Variants in ARHGAP20 observed in about 807,000 individuals in gnomAD.
The protein encoded by ARHGAP20 is rho GTPase-activating protein 20.
ARHGAP20 carries 34 observed loss-of-function variants against 73.7 expected under a neutral mutation model. The ratio of observed to expected loss-of-function variants is 0.46; its 90% CI spans 0.35 to 0.61. The LOEUF (loss-of-function observed/expected upper bound fraction) is 0.61. Among genes scored for constraint, ARHGAP20 ranks in the 20% least tolerant of loss-of-function variants. ARHGAP20 has a pLI of 0.00. For synonymous variants in ARHGAP20, 523 were observed against 518.2 expected (o/e 1.01, Z -0.13); for missense variants, 1,314 against 1,420.9 (o/e 0.92, Z 1.21).
At chr11:110,711,535 A>G in intron 1 of ARHGAP20, 2 of 1,280,614 alleles carry the variant, frequency 1.6e-6, no homozygotes, top group South Asian at 1.8e-5. Context: ...GGAATCATCC[A>G]GGACCCTGGT....
chr11:110,599,613 T>C (rs1591306514), intron 9 of ARHGAP20, among the ~76,000 whole-genome samples: 1 of 152,166 alleles, frequency 6.6e-6, no homozygotes, highest in Non-Finnish European at 1.5e-5. Flanking sequence ...CTGCCAGTCC[T>C]GTGGACTGGA....
intron 1 of ARHGAP20, among the ~76,000 whole-genome samples, chr11:110,698,802 CTCTT>C (rs1950387462): frequency 1.3e-5 from 2 of 151,750 alleles, no homozygotes; most frequent in African/African-American, 4.8e-5. Flanking sequence ...TTTGAATTTT[CTCTT>C]TCTTGTTGGT....
At chr11:110,588,932 C>T (rs1947746841) in intron 11 of ARHGAP20, among the ~76,000 whole-genome samples, 1 of 151,936 alleles carries the variant, frequency 6.6e-6, no homozygotes, top group African/African-American at 2.4e-5. Flanking sequence ...ATTTGCCAGG[C>T]GTGGTGTCGG....
intron 6 of ARHGAP20, among the ~76,000 whole-genome samples, chr11:110,613,008 T>C (rs187011695): frequency 7.9e-5 from 12 of 152,250 alleles, no homozygotes; most frequent in African/African-American, 2.9e-4. Context: ...AAGTCTAAAA[T>C]TTTTTCCATT....
At position 110,589,574 on chromosome 11, in the gene ARHGAP20, A is replaced by C. The variant is rs573930680; in HGVS notation, c.1305+1074T>G. On this transcript the variant is annotated intron_variant, in intron 11 of 14. Coordinates refer to ENST00000683387, the MANE Select transcript of ARHGAP20 (RefSeq NM_001384657.1). ...CAATCCTTTGGGAGGTGAGAGCCTG[A>C]CACAGGTCTGCAGAAGATACTGCTA... 6.9e-5 allele frequency: 68 copies of C among 985,424 alleles called. No individual in the cohort carries two copies. The African/African-American group carries it at 8.7e-4, about 13-fold the overall frequency. The allele number at this position is 985,424 out of a possible 1,614,324, so 61.0% of individuals were successfully genotyped here.
chr11:110,702,220 G>A (rs573844102), intron 1 of ARHGAP20, among the ~76,000 whole-genome samples: 2 of 151,606 alleles, frequency 1.3e-5, no homozygotes, highest in African/African-American at 4.8e-5. Context: ...GGGATGCAAG[G>A]CTGGTTCAAT....
rs1197738116 is a variant in ARHGAP20 at position 110,580,946 on chromosome 11, T to C, written c.2000A>G (p.Lys667Arg). 6.2e-6 allele frequency: 10 copies of C among 1,614,174 alleles called. No individual in the cohort carries two copies. The highest frequency in any genetic ancestry group is 5.5e-5 in the South Asian group (5 of 91,086). The change falls in exon 15 of 15, where the codon AAG becomes AGG. Residue 667 changes from lysine to arginine, a missense_variant. Transcript: ENST00000683387. The stretch of plus-strand genomic sequence containing the variant: ...CCTGGCATGATCCCGCAGTGGGATC[T>C]TTGTGTACACTAAAATGTTCACCGG... Reference protein sequence around the residue: ...SKPVNILVYTKIPLRDHARAP... With the variant: ...SKPVNILVYTRIPLRDHARAP...
intron 12 of ARHGAP20, among the ~76,000 whole-genome samples, chr11:110,585,067 A>G (rs912839177): frequency 6.6e-6 from 1 of 150,376 alleles, no homozygotes; most frequent in Non-Finnish European, 1.5e-5. Flanking sequence ...ATATATGTGA[A>G]CATATATGAA....
chr11:110,677,598 T>C (rs1435719240), intron 2 of ARHGAP20, among the ~76,000 whole-genome samples: 1 of 152,070 alleles, frequency 6.6e-6, no homozygotes, highest in African/African-American at 2.4e-5. Flanking sequence ...TAAGCCATGA[T>C]CATACCTCTG....
chr11:110,600,487 C>A (rs2134858149), intron 9 of ARHGAP20, among the ~76,000 whole-genome samples: 2 of 152,338 alleles, frequency 1.3e-5, no homozygotes, highest in South Asian at 4.1e-4. Flanking sequence ...TGTCCAGGCC[C>A]CATGCTCACT....
At chr11:110,613,528 T>C (rs1948415512) in intron 6 of ARHGAP20, among the ~76,000 whole-genome samples, 1 of 152,198 alleles carries the variant, frequency 6.6e-6, no homozygotes. Flanking sequence ...ACATCAGTCC[T>C]TTCTCAAGTA....
chr11:110,577,073 T>TGGG lies in ARHGAP20; in HGVS notation c.*2296_*2297insCCC. 4.0e-6 allele frequency: 6 copies of TGGG among 1,496,572 alleles called. No individual in the cohort carries two copies. The highest frequency in any genetic ancestry group is 4.5e-6 in the Non-Finnish European group (5 of 1,118,036). The allele number at this position is 1,496,572 out of a possible 1,614,324, so 92.7% of individuals were successfully genotyped here. A position where few individuals can be genotyped will look rare whatever the true frequency, so the allele number is the denominator to read the frequency against. Reference sequence around the variant, plus strand: ...TTAATTCTGCAGAATGGCATTTTATTTAACAGACAGCATGGACTTCATACA... The same window carrying TGGG: ...TTAATTCTGCAGAATGGCATTTTATTGGGTAACAGACAGCATGGACTTCATACA... On this transcript the variant is annotated 3_prime_UTR_variant, in exon 15 of 15. Transcript: ENST00000683387.
At chr11:110,689,900 G>C (rs1038347474) in intron 2 of ARHGAP20, among the ~76,000 whole-genome samples, 2 of 150,338 alleles carry the variant, frequency 1.3e-5, no homozygotes, top group Admixed American at 1.3e-4. Context: ...CTTTCAAGTT[G>C]TACTTTCCTT....
chr11:110,577,723 G>T lies in ARHGAP20; in HGVS notation c.*1647C>A. ...GCCAGTGTCACGAAGTAGCTCTTTG[G>T]ATACAGAGTTCTAAAAGATCATTGT... On this transcript the variant is annotated 3_prime_UTR_variant, in exon 15 of 15. Coordinates refer to ENST00000683387, the MANE Select transcript of ARHGAP20 (RefSeq NM_001384657.1). 1 of 985,892 alleles carries T rather than the reference G, an allele frequency of 1.0e-6. No individual in the cohort carries two copies. The highest frequency in any genetic ancestry group is 1.2e-6 in the Non-Finnish European group (1 of 829,960). 61.1% of individuals were successfully genotyped at this position (985,892 alleles called of 1,614,324 possible). A position where few individuals can be genotyped will look rare whatever the true frequency, so the allele number is the denominator to read the frequency against.
chr11:110,646,526 C>T (rs1949197304), intron 2 of ARHGAP20, among the ~76,000 whole-genome samples: 1 of 151,976 alleles, frequency 6.6e-6, no homozygotes, highest in African/African-American at 2.4e-5. Context: ...GAGCACATTC[C>T]TGTTTTGAAA....
At chr11:110,660,926 CA>C (rs1490996105) in intron 2 of ARHGAP20, among the ~76,000 whole-genome samples, 3 of 152,208 alleles carry the variant, frequency 2.0e-5, no homozygotes, top group African/African-American at 7.2e-5. Context: ...CAATCTCTCT[CA>C]CTTTTACACT....
intron 2 of ARHGAP20, among the ~76,000 whole-genome samples, chr11:110,641,661 A>C (rs975610193): frequency 6.6e-6 from 1 of 151,972 alleles, no homozygotes; most frequent in African/African-American, 2.4e-5. Flanking sequence ...ATGCCACCAC[A>C]CTTCAATCTG....
At chr11:110,710,894 C>G (rs1339481691) in intron 1 of ARHGAP20, among the ~76,000 whole-genome samples, 1 of 151,512 alleles carries the variant, frequency 6.6e-6, no homozygotes, top group Non-Finnish European at 1.5e-5. Flanking sequence ...CCCTTTAAGT[C>G]TCTAATGAAA....
chr11:110,617,658 T>C (rs1392381529), intron 4 of ARHGAP20, among the ~76,000 whole-genome samples: 2 of 152,220 alleles, frequency 1.3e-5, no homozygotes, highest in East Asian at 1.9e-4. Context: ...TGTATGGAGA[T>C]TGATTTGTGT....
Sources: allele counts gnomAD v4.1 joint callset (sites outside exome capture counted in the v4.1 genomes callset), GRCh38; gene constraint gnomAD v4.1.1; transcripts MANE v1.5; gene names NCBI Gene and HGNC (gene_info 2026-07-23, HGNC 2026-07-21).